MRTFA: variants seen among roughly 807,000 people sequenced by gnomAD.
MRTFA encodes myocardin related transcription factor A.
A neutral mutation model predicts 83.5 loss-of-function variants in MRTFA; 20 were observed. The ratio of observed to expected loss-of-function variants is 0.24; its 90% CI spans 0.17 to 0.35. The LOEUF is 0.35. MRTFA is among the 10% of genes least tolerant of loss of function. The probability of loss-of-function intolerance (pLI) is 1.00; values close to 1 mark genes in which losing one functional copy is unlikely to be tolerated. For missense variants in MRTFA, 1,200 were observed against 1,224.7 expected, an observed-to-expected ratio of 0.98 and a Z score of 0.30; for synonymous variants, 659 against 541.2, an observed-to-expected ratio of 1.22 and a Z score of -3.02.
rs550284032 is a variant in MRTFA, at chr22:40,416,614, T to A, written c.2578+372A>T. Among the ~76,000 whole-genome samples, 1 of 152,238 alleles carries A rather than the reference T, an allele frequency of 6.6e-6. No individual in the cohort carries two copies. The highest frequency in any genetic ancestry group is 2.4e-5 in the African/African-American group (1 of 41,552). On this transcript the variant is annotated intron_variant, in intron 14 of 14. Coordinates refer to ENST00000355630, the MANE Select transcript of MRTFA (RefSeq NM_020831.6). This position sits in a 1 kb window ranked among gnomAD's most constrained non-coding sequence, Gnocchi z 4.2. ...ACATCCTGGACCTTCCCCACCAGGC[T>A]CCCCAGACCTCTCCCTCTCCTCCAT...
intron 1 of MRTFA, among the ~76,000 whole-genome samples, chr22:40,624,425 C>CAAAAAAAAAAAA (rs35882157): frequency 1.6e-5 from 1 of 62,756 alleles, no homozygotes; most frequent in Non-Finnish European, 3.6e-5. Context: ...GACTCCAACT[C>CAAAAAAAAAAAA]AAAAAAAAAA....
intron 3 of MRTFA, among the ~76,000 whole-genome samples, chr22:40,499,418 T>C (rs1569298426): frequency 6.6e-6 from 1 of 152,176 alleles, no homozygotes; most frequent in Non-Finnish European, 1.5e-5. Flanking sequence ...CACTATGGAC[T>C]GACCACAGAC....
chr22:40,452,806 A>C (rs76745847), intron 4 of MRTFA, among the ~76,000 whole-genome samples: 1 of 108,988 alleles, frequency 9.2e-6, no homozygotes, highest in Non-Finnish European at 2.0e-5. Context: ...ACTCCGTCTC[A>C]AAAAAAAAAA....
intron 2 of MRTFA, among the ~76,000 whole-genome samples, chr22:40,582,438 G>C (rs571218276): frequency 6.6e-6 from 1 of 152,138 alleles, no homozygotes; most frequent in Non-Finnish European, 1.5e-5. Flanking sequence ...ATAACGATGA[G>C]AAGAATTGCT....
At chr22:40,603,974 T>C (rs948951948) in intron 1 of MRTFA, among the ~76,000 whole-genome samples, 5 of 152,046 alleles carry the variant, frequency 3.3e-5, no homozygotes, top group Admixed American at 1.3e-4. Flanking sequence ...TTATTCTCCT[T>C]GTTTTTATAT....
rs1602208322 is a variant in MRTFA at position 40,419,115 on chromosome 22, C to A, written c.1623G>T (p.Val541=). 1 of 1,592,112 alleles carries A rather than the reference C, an allele frequency of 6.3e-7. No homozygotes were observed. The highest frequency in any genetic ancestry group is 8.6e-7 in the Non-Finnish European group (1 of 1,169,468). Residue 541 remains valine, a synonymous_variant, in exon 12 of 15, where the codon GTG becomes GTT. Coordinates refer to ENST00000355630, the MANE Select transcript of MRTFA (RefSeq NM_020831.6). ...TGGAGCCCGTGCTGCCAAACTTCACCACCCCACTGCTGGCCACCGTGGCCA... is the reference window on the plus strand; with the variant it reads ...TGGAGCCCGTGCTGCCAAACTTCACAACCCCACTGCTGGCCACCGTGGCCA...
At chr22:40,604,451 G>A (rs1443997639) in intron 1 of MRTFA, among the ~76,000 whole-genome samples, 1 of 151,102 alleles carries the variant, frequency 6.6e-6, no homozygotes, top group Non-Finnish European at 1.5e-5. Context: ...AGTTACCTAA[G>A]ACATACCTAA....
chr22:40,627,810 C>T (rs972604675), intron 1 of MRTFA, among the ~76,000 whole-genome samples: 4 of 152,108 alleles, frequency 2.6e-5, no homozygotes, highest in Non-Finnish European at 4.4e-5. Flanking sequence ...GACACCCCGC[C>T]TGCACAAAAA....
At chr22:40,469,857 C>T (rs923280878) in intron 3 of MRTFA, among the ~76,000 whole-genome samples, 4 of 152,076 alleles carry the variant, frequency 2.6e-5, no homozygotes, top group Non-Finnish European at 5.9e-5. Flanking sequence ...GCAGAAAAAT[C>T]GCTTGAGGCC....
chr22:40,518,468 T>C (rs995402799), intron 3 of MRTFA, among the ~76,000 whole-genome samples: 2 of 144,632 alleles, frequency 1.4e-5, no homozygotes, highest in Non-Finnish European at 3.0e-5. Flanking sequence ...TCATCAGAGG[T>C]GGAGTGTTGA....
At chr22:40,515,331 T>C (rs895924222) in intron 3 of MRTFA, among the ~76,000 whole-genome samples, 1 of 152,174 alleles carries the variant, frequency 6.6e-6, no homozygotes, top group African/African-American at 2.4e-5. Flanking sequence ...ATAAGACACC[T>C]GCCTTTATAG....
chr22:40,419,868 G>A (rs17425081), intron 11 of MRTFA, among the ~76,000 whole-genome samples: 7,506 of 152,294 alleles, frequency 0.049, 681 homozygotes, highest in Admixed American at 0.25. Flanking sequence ...CCCTAGGATG[G>A]AAGCCAAGTC....
chr22:40,613,851 A>G (rs2056416212), intron 1 of MRTFA, among the ~76,000 whole-genome samples: 1 of 152,172 alleles, frequency 6.6e-6, no homozygotes, highest in South Asian at 2.1e-4. Flanking sequence ...CAAAGGTTGC[A>G]GTGAGCCGGG....
chr22:40,480,618 C>T (rs899924331), intron 3 of MRTFA, among the ~76,000 whole-genome samples: 8 of 151,882 alleles, frequency 5.3e-5, no homozygotes, highest in African/African-American at 7.3e-5. Flanking sequence ...CAAAAGGAAT[C>T]GAGATTTTAA....
At chr22:40,591,435 T>C (rs1024812293) in intron 2 of MRTFA, among the ~76,000 whole-genome samples, 3 of 152,084 alleles carry the variant, frequency 2.0e-5, no homozygotes, top group Non-Finnish European at 2.9e-5. Flanking sequence ...GAAACTAATA[T>C]ATAAAGAAGA....
At position 40,431,394 on chromosome 22, in the gene MRTFA, A is replaced by T. The variant is rs374109408; in HGVS notation, c.439+11T>A. The T allele has an allele frequency of 1.2e-5, 20 of 1,613,242 alleles. No individual in the cohort carries two copies. In the African/African-American group the frequency reaches 1.6e-4, roughly 13 times the overall value. ...TGGATCTAGATGGAAAAGCAATTCC[A>T]ATCTCCACACCTTCCAAAATGTGCA... On this transcript the variant is annotated intron_variant, in intron 6 of 14. Coordinates refer to ENST00000355630, the MANE Select transcript of MRTFA (RefSeq NM_020831.6).
rs552949622 is a variant in MRTFA, at chr22:40,416,448, A to G, written c.2578+538T>C. On this transcript the variant is annotated intron_variant, in intron 14 of 14. Transcript: ENST00000355630. The surrounding 1 kb of genome is among the most constrained non-coding windows in gnomAD (Gnocchi z 4.2). ...CGATGGCTTCCCACACAATGGAGCC[A>G]AAGCCACCCTGCCCTGGTGCCCAGG... Among the ~76,000 whole-genome samples, 13 of 152,214 alleles carry G rather than the reference A, an allele frequency of 8.5e-5. No homozygotes were observed. Among genetic ancestry groups the G allele is most frequent in the African/African-American group, 3.1e-4 (13 of 41,442 alleles).
chr22:40,603,799 A>T (rs1401022096), intron 1 of MRTFA, among the ~76,000 whole-genome samples: 1 of 149,526 alleles, frequency 6.7e-6, no homozygotes, highest in Non-Finnish European at 1.5e-5. Flanking sequence ...ATTTATAGAG[A>T]TGAGGTCTCA....
intron 3 of MRTFA, among the ~76,000 whole-genome samples, chr22:40,515,563 T>C (rs548519372): frequency 6.6e-6 from 1 of 152,064 alleles, no homozygotes; most frequent in East Asian, 1.9e-4. Flanking sequence ...CGTGGTGGCA[T>C]GCACCTGTAA....
Sources: allele counts gnomAD v4.1 joint callset (sites outside exome capture counted in the v4.1 genomes callset), GRCh38; gene constraint gnomAD v4.1.1; non-coding constraint Gnocchi (gnomAD v3.1); transcripts MANE v1.5; gene names NCBI Gene and HGNC (gene_info 2026-07-23, HGNC 2026-07-21).